CNN1: variants seen among roughly 807,000 people sequenced by gnomAD.
CNN1 encodes the protein calponin 1.
CNN1 carries 21 observed loss-of-function variants against 35.3 expected under a neutral mutation model. The observed-to-expected ratio is 0.60, with a 90% CI of 0.42 to 0.86. The LOEUF (loss-of-function observed/expected upper bound fraction) is 0.86, where lower values mean the gene tolerates loss of function less well. Among genes scored for constraint, CNN1 ranks in the 40% least tolerant of loss-of-function variants. CNN1 has a pLI of 0.00. For missense variants in CNN1, 314 were observed against 400.8 expected, an observed-to-expected ratio of 0.78 and a Z score of 1.85; for synonymous variants, 164 against 161.8, an observed-to-expected ratio of 1.01 and a Z score of -0.10.
chr19:11,548,241 C>T (rs982181542), intron 5 of CNN1, among the ~76,000 whole-genome samples: 13 of 152,308 alleles, frequency 8.5e-5, no homozygotes, highest in African/African-American at 3.1e-4. Flanking sequence ...AGTTTCCAGT[C>T]TCGAAAGGAT....
At chr19:11,543,106 C>T (rs1972501550) in intron 2 of CNN1, among the ~76,000 whole-genome samples, 1 of 152,166 alleles carries the variant, frequency 6.6e-6, no homozygotes, top group African/African-American at 2.4e-5. Context: ...GCTGGTGTCC[C>T]AGCTCAGGCA....
At chr19:11,541,406 A>G (rs1011882100) in intron 2 of CNN1, among the ~76,000 whole-genome samples, 1 of 152,208 alleles carries the variant, frequency 6.6e-6, no homozygotes, top group Admixed American at 6.5e-5. Context: ...CGTGGTTTCA[A>G]GGGAAATGAC....
Position 11,549,922 on chromosome 19 carries a change from A to C in CNN1, c.*127A>C. Reference sequence around the variant, plus strand: ...CCAGCCCCTGTAGAACTCAACCTCTACAGGGTTAGAGTTTGGAGAGAGCAG... The same window carrying C: ...CCAGCCCCTGTAGAACTCAACCTCTCCAGGGTTAGAGTTTGGAGAGAGCAG... On this transcript the variant is annotated 3_prime_UTR_variant, in exon 7 of 7. Coordinates refer to ENST00000252456, the MANE Select transcript of CNN1 (RefSeq NM_001299.6). This position sits in a 1 kb window ranked among gnomAD's most constrained non-coding sequence, Gnocchi z 5.2. The C allele has an allele frequency of 2.6e-5, 35 of 1,345,172 alleles. No individual in the cohort carries two copies. Among genetic ancestry groups the C allele is most frequent in the Non-Finnish European group, 3.5e-5 (34 of 983,040 alleles). The allele number at this position is 1,345,172 out of a possible 1,614,324, so 83.3% of individuals were successfully genotyped here. A position where few individuals can be genotyped will look rare whatever the true frequency, so the allele number is the denominator to read the frequency against.
intron 2 of CNN1, among the ~76,000 whole-genome samples, chr19:11,543,251 GA>G (rs1972503990): frequency 6.6e-6 from 1 of 151,910 alleles, no homozygotes; most frequent in Non-Finnish European, 1.5e-5. Context: ...TCGGAAGGCT[GA>G]GGTGGGAGGA....
intron 2 of CNN1, 126 bp from the exon 3 acceptor site, chr19:11,546,549 T>C: frequency 1.1e-6 from 1 of 906,972 alleles, no homozygotes; most frequent in Non-Finnish European, 1.8e-6. Flanking sequence ...TTGGCCAGGA[T>C]AGTCTCGCTC....
At chr19:11,539,699 C>T in intron 1 of CNN1, 1 of 720,854 alleles carries the variant, frequency 1.4e-6, no homozygotes, top group Non-Finnish European at 2.1e-6. Context: ...GAGTTCCTGC[C>T]CCATTTGACA....
chr19:11,543,963 CTCATTCAT>C (rs141056725), intron 2 of CNN1, among the ~76,000 whole-genome samples: 10 of 151,520 alleles, frequency 6.6e-5, no homozygotes, highest in East Asian at 3.9e-4. Flanking sequence ...CGGTCATTCA[CTCATTCAT>C]TCATTCATTC....
chr19:11,540,884 C>T (rs769004867), intron 1 of CNN1, among the ~76,000 whole-genome samples, 192 bp from the exon 2 acceptor site: 1 of 152,190 alleles, frequency 6.6e-6, no homozygotes, highest in Non-Finnish European at 1.5e-5. Context: ...TGGGCAGGTG[C>T]CACCTCAGCC....
At chr19:11,546,797 T>TC in intron 3 of CNN1, 35 bp from the exon 4 acceptor site, 1 of 1,608,230 alleles carries the variant, frequency 6.2e-7, no homozygotes. Flanking sequence ...AGACCTCCCC[T>TC]CCCCACCCAG....
Position 11,549,818 on chromosome 19 carries a change from TC to T in CNN1, c.*29del, listed in dbSNP as rs757221673. On this transcript the variant is annotated 3_prime_UTR_variant, in exon 7 of 7. Coordinates refer to ENST00000252456, the MANE Select transcript of CNN1 (RefSeq NM_001299.6). The surrounding 1 kb of genome is among the most constrained non-coding windows in gnomAD (Gnocchi z 5.2). ...TAGGGCCACAAGGCCTTCCCTGTTT[TC>T]CCCCCAAGGGAGGCTGCTGCTGCTC... 8 of 1,581,320 alleles carry T rather than the reference TC, an allele frequency of 5.1e-6. No individual in the cohort carries two copies. The highest frequency in any genetic ancestry group is 1.3e-5 in the African/African-American group (1 of 74,294).
Position 11,538,944 on chromosome 19 carries a change from TC to T in CNN1, c.18del (p.Phe6LeufsTer29). 1 of 1,594,504 alleles carries T rather than the reference TC, an allele frequency of 6.3e-7. No individual in the cohort carries two copies. Among genetic ancestry groups the T allele is most frequent in the Non-Finnish European group, 8.6e-7 (1 of 1,169,050 alleles). MSSAH[F>X]NRGPAYGLSA... Reference sequence around the variant, plus strand: ...CCGGCCAGCATGTCCTCTGCTCACTTCAACCGAGGCCCTGCCTACGGGCTGT... The same window carrying T: ...CCGGCCAGCATGTCCTCTGCTCACTTAACCGAGGCCCTGCCTACGGGCTGT... On this transcript the variant is annotated frameshift_variant, in exon 1 of 7. Coordinates refer to ENST00000252456, the MANE Select transcript of CNN1 (RefSeq NM_001299.6). LOFTEE classifies it high-confidence loss of function.
chr19:11,539,916 C>T, intron 1 of CNN1: 5 of 1,116,792 alleles, frequency 4.5e-6, no homozygotes, highest in Non-Finnish European at 4.4e-6. Context: ...GCAGAGACGC[C>T]GCGCCTTATA....
intron 5 of CNN1, among the ~76,000 whole-genome samples, chr19:11,548,180 TG>T (rs1343928341): frequency 2.6e-5 from 4 of 152,178 alleles, no homozygotes; most frequent in Non-Finnish European, 5.9e-5. Flanking sequence ...CGTGGCAGGC[TG>T]GAACTTCAAT....
rs1972486727 is a variant in CNN1, at chr19:11,542,410, C to T, written c.185+1213C>T. Reference sequence around the variant, plus strand: ...ATTTTGCCATGTTGGCCTGGCTGGTCTCGAACTCCTGACCTCAAGTGATCC... The same window carrying T: ...ATTTTGCCATGTTGGCCTGGCTGGTTTCGAACTCCTGACCTCAAGTGATCC... On this transcript the variant is annotated intron_variant, in intron 2 of 6. Transcript: ENST00000252456. Among the ~76,000 whole-genome samples the T allele has an allele frequency of 2.0e-5, 3 of 151,370 alleles. No individual in the cohort carries two copies. In the Admixed American group the frequency reaches 2.0e-4, roughly 10 times the overall value.
chr19:11,539,566 G>C (rs187351901), intron 1 of CNN1: 21 of 1,025,778 alleles, frequency 2.0e-5, no homozygotes, highest in Middle Eastern at 5.5e-4. Flanking sequence ...CCCAGGTAAA[G>C]CAGGTACAGC....
At position 11,541,103 on chromosome 19, in the gene CNN1, G is replaced by C. The variant is rs1972452571; in HGVS notation, c.91G>C (p.Glu31Gln). Residue 31 changes from glutamate to glutamine, a missense_variant, in exon 2 of 7, where the codon GAG (glutamate) becomes CAG (glutamine). Transcript: ENST00000252456. Reference protein sequence around the residue: ...KLAQKYDHQREQELREWIEGV... With the variant: ...KLAQKYDHQRQQELREWIEGV... Reference sequence around the variant, plus strand: ...GGCCCAGAAGTATGACCACCAGCGGGAGCAGGAGCTGAGAGAGTGGATCGA... The same window carrying C: ...GGCCCAGAAGTATGACCACCAGCGGCAGCAGGAGCTGAGAGAGTGGATCGA... 2 of 1,611,504 alleles carry C rather than the reference G, an allele frequency of 1.2e-6. No individual in the cohort carries two copies. The highest frequency in any genetic ancestry group is 3.3e-5 in the Admixed American group (2 of 59,758).
rs775106244 is a variant in CNN1 at position 11,549,370 on chromosome 19, C to T, written c.549C>T (p.Gly183=). 2.5e-6 allele frequency: 4 copies of T among 1,613,624 alleles called. No individual in the cohort carries two copies. Among genetic ancestry groups the T allele is most frequent in the African/African-American group, 1.3e-5 (1 of 74,766 alleles). The change falls in exon 6 of 7, where the codon GGC becomes GGT. Residue 183 remains glycine (G), a synonymous_variant. Coordinates refer to ENST00000252456, the MANE Select transcript of CNN1 (RefSeq NM_001299.6). This position sits in a 1 kb window ranked among gnomAD's most constrained non-coding sequence, Gnocchi z 5.2. ...GCCAGCAGGGCATGACGGCCTATGGCACCCGGCGCCACCTCTACGACCCCA... is the reference window on the plus strand; with the variant it reads ...GCCAGCAGGGCATGACGGCCTATGGTACCCGGCGCCACCTCTACGACCCCA... ...FASQQGMTAY[G]TRRHLYDPKL... is the part of the protein sequence containing the mutation.
chr19:11,549,193 A>AAAAAAAAT lies in CNN1; in HGVS notation c.502-127_502-126insAAAATAAA, dbSNP rs377568799. On this transcript the variant is annotated intron_variant, in intron 5 of 6. Transcript: ENST00000252456. The surrounding 1 kb of genome is among the most constrained non-coding windows in gnomAD (Gnocchi z 5.2). ...ACAGAGCAAGACTCCGTCTCAAAAA[A>AAAAAAAAT]AAATAAATAAAATAAAATAAAAATT... is the stretch of plus-strand genomic sequence containing the variant. 1.0e-5 allele frequency: 11 copies of AAAAAAAAT among 1,065,968 alleles called. No homozygotes were observed. In the African/African-American group the frequency reaches 1.2e-4, roughly 11 times the overall value. The allele number at this position is 1,065,968 out of a possible 1,614,324, so 66.0% of individuals were successfully genotyped here. A position where few individuals can be genotyped will look rare whatever the true frequency, so the allele number is the denominator to read the frequency against.
chr19:11,539,504 T>C (rs1972410835), intron 1 of CNN1: 1 of 1,133,806 alleles, frequency 8.8e-7, no homozygotes, highest in Non-Finnish European at 1.1e-6. Flanking sequence ...ACCACCTTCA[T>C]GCTATGGTTG....
Sources: gnomAD v4.1 joint callset for allele counts (sites outside exome capture counted in the v4.1 genomes callset) on GRCh38, gnomAD v4.1.1 for gene constraint, Gnocchi (gnomAD v3.1) non-coding constraint, MANE v1.5 for transcripts, NCBI Gene and HGNC (gene_info 2026-07-23, HGNC 2026-07-21) for gene names.